The following PURG variants were observed in gnomAD, a reference collection of about 807,000 sequenced individuals.
The protein encoded by PURG is purine rich element binding protein G, also known as purine-rich element-binding protein gamma.
In PURG, 3 loss-of-function variants were observed where a neutral mutation model predicts 24.3. That is an observed-to-expected ratio of 0.12 (90% confidence interval 0.06 to 0.32). The LOEUF (loss-of-function observed/expected upper bound fraction) is 0.32. Ranked by LOEUF, PURG falls within the 10% of genes least tolerant of loss-of-function variation. The pLI, the probability that PURG is intolerant of heterozygous loss-of-function variation, is 1.00. For synonymous variants in PURG, 180 were observed against 173.1 expected, an observed-to-expected ratio of 1.04 and a Z score of -0.31; for missense variants, 371 against 439.1, an observed-to-expected ratio of 0.84 and a Z score of 1.39.
chr8:31,033,112 T>C lies in PURG; in HGVS notation c.-41A>G. ...GCCATCACCGCCGCCGCCGATGCCC[T>C]TCACGACCACCGCCGCCGCCACCGC... On this transcript the variant is annotated 5_prime_UTR_variant, in exon 1 of 2. Coordinates refer to ENST00000523392, the MANE Select transcript of PURG (RefSeq NM_001323311.2). The C allele has an allele frequency of 4.6e-6, 1 of 216,976 alleles. No homozygotes were observed. Among genetic ancestry groups the C allele is most frequent in the Non-Finnish European group, 8.9e-6 (1 of 112,248 alleles). The allele number at this position is 216,976 out of a possible 1,614,324, so 13.4% of individuals were successfully genotyped here.
intron 1 of PURG, among the ~76,000 whole-genome samples, chr8:31,020,782 T>C (rs963998178): frequency 6.6e-6 from 1 of 152,214 alleles, no homozygotes; most frequent in Non-Finnish European, 1.5e-5. Context: ...TCCATCACTA[T>C]CTTCTGTAGC....
chr8:31,024,459 CTTATTA>C (rs1811054851), intron 1 of PURG, among the ~76,000 whole-genome samples: 1 of 152,090 alleles, frequency 6.6e-6, no homozygotes, highest in South Asian at 2.1e-4. Flanking sequence ...AGAATTACGT[CTTATTA>C]TTCTTTCTCA....
intron 1 of PURG, among the ~76,000 whole-genome samples, chr8:31,020,149 A>G (rs901344233): frequency 4.6e-5 from 7 of 152,172 alleles, no homozygotes; most frequent in Non-Finnish European, 8.8e-5. Flanking sequence ...TACAGTATAT[A>G]GTTCCTCCAT....
chr8:31,015,926 A>G (rs1810853821), intron 1 of PURG, among the ~76,000 whole-genome samples: 1 of 151,818 alleles, frequency 6.6e-6, no homozygotes, highest in Admixed American at 6.6e-5. Context: ...GGTGGCATGC[A>G]CCTATGGTCC....
chr8:31,016,577 GAACCAAAAA>G (rs1432455899), intron 1 of PURG, among the ~76,000 whole-genome samples: 12 of 37,336 alleles, frequency 3.2e-4, no homozygotes, highest in East Asian at 6.9e-4. Flanking sequence ...AGTCTACCAA[GAACCAAAAA>G]AAAAAAAAAA....
At chr8:31,012,387 T>C (rs1265322386) in intron 1 of PURG, among the ~76,000 whole-genome samples, 1 of 152,174 alleles carries the variant, frequency 6.6e-6, no homozygotes, top group Admixed American at 6.5e-5. Context: ...AGTTCCAAGA[T>C]AATTTATATG....
chr8:31,003,415 T>C (rs185242911), intron 1 of PURG, among the ~76,000 whole-genome samples: 285 of 151,934 alleles, frequency 1.9e-3, no homozygotes, highest in African/African-American at 6.6e-3. Flanking sequence ...TGAAGTGATA[T>C]AAGCATTATA....
At chr8:31,002,381 C>T (rs1245914554) in intron 1 of PURG, among the ~76,000 whole-genome samples, 1 of 151,664 alleles carries the variant, frequency 6.6e-6, no homozygotes, top group Admixed American at 6.6e-5. Context: ...TAGTTAAATC[C>T]CAAAAGTTTG....
At chr8:30,999,803 T>C (rs1308780622) in intron 1 of PURG, among the ~76,000 whole-genome samples, 2 of 152,062 alleles carry the variant, frequency 1.3e-5, no homozygotes, top group Non-Finnish European at 2.9e-5. Context: ...AGTATAGTCT[T>C]TGTTTTTTGT....
chr8:31,009,612 T>G (rs771840828), intron 1 of PURG, among the ~76,000 whole-genome samples: 32 of 152,318 alleles, frequency 2.1e-4, no homozygotes, highest in Non-Finnish European at 4.1e-4. Context: ...TTAATCCTAT[T>G]GAAATGGAAA....
At position 31,022,663 on chromosome 8, in the gene PURG, G is replaced by T. The variant is rs538392223; in HGVS notation, c.864+9256C>A. On this transcript the variant is annotated intron_variant, in intron 1 of 1. Transcript: ENST00000339382. ...TGTACAGGAGGGAAGAAGGAAAGAG[G>T]ATTATAATGAATGGAATTTTAGAAT... 6.6e-5 allele frequency among the ~76,000 whole-genome samples: 10 copies of T among 152,314 alleles called. No individual in the cohort carries two copies. In the South Asian group the frequency reaches 1.7e-3, roughly 25 times the overall value.
In PURG at chr8:31,032,119, T is replaced by G. The variant is rs750824000; in HGVS notation, c.664A>C (p.Ile222Leu). The G allele has an allele frequency of 1.2e-6, 2 of 1,614,034 alleles. No individual in the cohort carries two copies. The highest frequency in any genetic ancestry group is 1.1e-5 in the South Asian group (1 of 91,082). ...FGHSLGQEQT[I>L]VLPAQGMIEF... ...ATCATTCCTTGTGCTGGGAGGACAA[T>G]AGTCTGTTCTTGGCCCAAACTGTGG... The change falls in exon 2 of 2, where the codon ATT (isoleucine) becomes CTT (leucine). Residue 222 changes from isoleucine to leucine, a missense_variant. Physicochemically the swap from Ile to Leu is conservative, Grantham distance 5. Around this residue, in one of 5 missense-constraint regions of PURG, gnomAD observed 41 missense variants for 29.8 expected, o/e 1.38. Transcript: ENST00000523392. The surrounding 1 kb of genome is among the most constrained non-coding windows in gnomAD (Gnocchi z 5.9).
intron 1 of PURG, among the ~76,000 whole-genome samples, chr8:30,999,891 T>C (rs559655665): frequency 1.3e-5 from 2 of 152,114 alleles, no homozygotes; most frequent in East Asian, 3.9e-4. Context: ...CCATAAAACC[T>C]GAAAACATCG....
chr8:31,003,361 A>G (rs1002701764), intron 1 of PURG, among the ~76,000 whole-genome samples: 4 of 150,170 alleles, frequency 2.7e-5, no homozygotes, highest in Non-Finnish European at 4.4e-5. Context: ...TAATCAGGCT[A>G]TATTTCTTAT....
chr8:31,025,078 T>C (rs1811066500), intron 1 of PURG, among the ~76,000 whole-genome samples: 1 of 152,052 alleles, frequency 6.6e-6, no homozygotes, highest in Admixed American at 6.5e-5. Context: ...GTAACTTCAC[T>C]ATAGCAGCAC....
chr8:31,023,029 C>T (rs1811026468), intron 1 of PURG, among the ~76,000 whole-genome samples: 1 of 152,156 alleles, frequency 6.6e-6, no homozygotes, highest in African/African-American at 2.4e-5. Context: ...AAAGTTTCTA[C>T]AAAATGGCAA....
exon 2 of PURG, chr8:30,996,500 T>A: frequency 3.5e-6 from 3 of 859,592 alleles, no homozygotes; most frequent in Non-Finnish European, 5.6e-6. Context: ...TGGAGGAATG[T>A]CAAGTACTGA....
At chr8:31,027,424 C>T (rs911076915), downstream of PURG, among the ~76,000 whole-genome samples, 4 of 151,510 alleles carry the variant, frequency 2.6e-5, no homozygotes, top group African/African-American at 7.3e-5. Context: ...TTTCAGAAAA[C>T]CACTTAAAAT....
At chr8:31,013,553 A>G (rs973640356) in intron 1 of PURG, among the ~76,000 whole-genome samples, 2 of 152,132 alleles carry the variant, frequency 1.3e-5, no homozygotes, top group African/African-American at 2.4e-5. Context: ...CCCGGCCAAC[A>G]TGGTGAAACT....
Sources: allele counts gnomAD v4.1 joint callset (sites outside exome capture counted in the v4.1 genomes callset), GRCh38; gene constraint gnomAD v4.1.1; regional missense constraint gnomAD v4.1.1; non-coding constraint Gnocchi (gnomAD v3.1); transcripts MANE v1.5; gene names NCBI Gene and HGNC (gene_info 2026-07-23, HGNC 2026-07-21).